Variants in HMGN3 observed in about 807,000 individuals in gnomAD.
HMGN3 encodes the protein high mobility group nucleosomal binding domain 3.
Under a neutral mutation model 18.8 loss-of-function variants are expected in HMGN3, and 6 were observed. The observed-to-expected ratio is 0.32, with a 90% CI of 0.18 to 0.63. The LOEUF is 0.63. Ranked by LOEUF, HMGN3 falls within the 30% of genes least tolerant of loss-of-function variation. HMGN3 has a pLI of 0.79. For synonymous variants in HMGN3, 40 were observed against 36.5 expected, an observed-to-expected ratio of 1.10 and a Z score of -0.35; for missense variants, 107 against 114.2, an observed-to-expected ratio of 0.94 and a Z score of 0.29.
At chr6:79,201,458 TCAATCTTACACACAGCTTCCAA>T (rs1481047151) in exon 6 of HMGN3, 32 of 497,466 alleles carry the variant, frequency 6.4e-5, no homozygotes, top group Non-Finnish European at 1.1e-4. Flanking sequence ...GAATGCTGAA[TCAATCTTACACACAGCTTCCAA>T]TATTTAACTG....
intron 4 of HMGN3, among the ~76,000 whole-genome samples, chr6:79,202,940 T>C (rs1446790321): frequency 6.6e-6 from 1 of 152,190 alleles, no homozygotes; most frequent in Non-Finnish European, 1.5e-5. Context: ...CTCATGCCAC[T>C]ATACACATAA....
intron 1 of HMGN3, 89 bp from the exon 2 acceptor site, chr6:79,215,111 C>G (rs1776908255): frequency 3.9e-6 from 3 of 760,722 alleles, no homozygotes; most frequent in Admixed American, 5.5e-5. Flanking sequence ...ATTCCCAGGA[C>G]AAGACAAGCC....
intron 1 of HMGN3, among the ~76,000 whole-genome samples, chr6:79,217,825 T>C (rs777995494): frequency 3.3e-5 from 5 of 152,052 alleles, no homozygotes; most frequent in African/African-American, 9.7e-5. Context: ...AATAAAAACA[T>C]AGAAAGGAGG....
chr6:79,221,633 A>T (rs951670167), intron 1 of HMGN3, among the ~76,000 whole-genome samples: 3 of 152,146 alleles, frequency 2.0e-5, no homozygotes, highest in Non-Finnish European at 2.9e-5. Context: ...AAACTCAAGA[A>T]GGTATCAGAA....
chr6:79,203,876 G>C (rs1313994570), intron 3 of HMGN3, among the ~76,000 whole-genome samples: 1 of 152,162 alleles, frequency 6.6e-6, no homozygotes, highest in Admixed American at 6.5e-5. Flanking sequence ...TTATTCCCTG[G>C]TCCAGAATAG....
At chr6:79,223,986 G>A (rs567377758) in intron 1 of HMGN3, among the ~76,000 whole-genome samples, 2 of 152,290 alleles carry the variant, frequency 1.3e-5, no homozygotes, top group Non-Finnish European at 2.9e-5. Flanking sequence ...AAGCACTGGG[G>A]TATCAGGAAA....
chr6:79,215,050 T>C, intron 1 of HMGN3, 28 bp from the exon 2 acceptor site: 1 of 1,316,568 alleles, frequency 7.6e-7, no homozygotes, highest in Non-Finnish European at 1.1e-6. Flanking sequence ...CAGTGAATTG[T>C]ATTTAAATTG....
At chr6:79,224,306 CT>C (rs1176719552) in intron 1 of HMGN3, among the ~76,000 whole-genome samples, 1 of 152,152 alleles carries the variant, frequency 6.6e-6, no homozygotes, top group Non-Finnish European at 1.5e-5. Flanking sequence ...AATTTCAAAA[CT>C]GGGTGCAGAT....
At position 79,214,389 on chromosome 6, in the gene HMGN3, G is replaced by A. The variant is rs536647625; in HGVS notation, c.66+583C>T. Among the ~76,000 whole-genome samples the A allele has an allele frequency of 2.8e-4, 42 of 152,040 alleles. No individual in the cohort carries two copies. The Middle Eastern group carries it at 0.01, about 37-fold the overall frequency. ...GCTAACTTTTTATATTTTTAGTAGA[G>A]ATGGGGTTTCACCGTGTTAGCCAGG... On this transcript the variant is annotated intron_variant, in intron 2 of 5. Transcript: ENST00000344726.
At chr6:79,212,701 C>T (rs1283174692) in intron 2 of HMGN3, among the ~76,000 whole-genome samples, 1 of 152,162 alleles carries the variant, frequency 6.6e-6, no homozygotes, top group African/African-American at 2.4e-5. Flanking sequence ...CTGCACAATG[C>T]CTTCTAATAT....
At chr6:79,212,229 T>G (rs981160772) in intron 2 of HMGN3, among the ~76,000 whole-genome samples, 3 of 152,160 alleles carry the variant, frequency 2.0e-5, no homozygotes, top group African/African-American at 7.2e-5. Context: ...GAGATGCAGA[T>G]ATCTTTCCTG....
intron 1 of HMGN3, among the ~76,000 whole-genome samples, chr6:79,217,789 G>A (rs905839624): frequency 5.3e-5 from 8 of 152,202 alleles, no homozygotes; most frequent in Non-Finnish European, 1.2e-4. Flanking sequence ...GAAACCCAAA[G>A]CTTTTTGTGC....
chr6:79,205,603 G>A (rs1363651978), intron 3 of HMGN3, among the ~76,000 whole-genome samples: 1 of 152,140 alleles, frequency 6.6e-6, no homozygotes, highest in East Asian at 1.9e-4. Flanking sequence ...TCCAGTCTTG[G>A]GTATGTCTTT....
chr6:79,228,514 C>T (rs539033025), intron 1 of HMGN3, among the ~76,000 whole-genome samples: 1 of 152,132 alleles, frequency 6.6e-6, no homozygotes, highest in African/African-American at 2.4e-5. Context: ...GCAATTCTTT[C>T]CTAACTGATT....
intron 5 of HMGN3, 80 bp from the exon 7 acceptor site, chr6:79,201,806 A>G: frequency 6.4e-7 from 1 of 1,553,526 alleles, no homozygotes; most frequent in African/African-American, 1.4e-5. Context: ...CCACCAACAC[A>G]CACAGTTTTG....
chr6:79,224,096 G>A (rs1318643911), intron 1 of HMGN3, among the ~76,000 whole-genome samples: 2 of 152,204 alleles, frequency 1.3e-5, no homozygotes, highest in African/African-American at 4.8e-5. Context: ...ATCTTATGAG[G>A]TTGGTAAAAC....
intron 3 of HMGN3, 71 bp downstream of exon 3, chr6:79,208,476 G>T: frequency 8.1e-7 from 1 of 1,239,480 alleles, no homozygotes; most frequent in Non-Finnish European, 1.2e-6. Context: ...TCTTCCTTTT[G>T]CTGCTTCACT....
At chr6:79,217,937 T>G (rs1777076942) in intron 1 of HMGN3, among the ~76,000 whole-genome samples, 1 of 152,210 alleles carries the variant, frequency 6.6e-6, no homozygotes, top group Non-Finnish European at 1.5e-5. Flanking sequence ...ATGCAGGGAC[T>G]GCCAAGGCAA....
chr6:79,221,799 A>G (rs1357505584), intron 1 of HMGN3, among the ~76,000 whole-genome samples: 1 of 151,740 alleles, frequency 6.6e-6, no homozygotes, highest in African/African-American at 2.4e-5. Flanking sequence ...TCTTCAGCCC[A>G]TGGAAGACAA....
Sources: allele counts gnomAD v4.1 joint callset (sites outside exome capture counted in the v4.1 genomes callset), GRCh38; gene constraint gnomAD v4.1.1; transcripts MANE v1.5; gene names NCBI Gene and HGNC (gene_info 2026-07-23, HGNC 2026-07-21).